NRG3: variants seen among roughly 807,000 people sequenced by gnomAD.
NRG3 encodes the protein pro-neuregulin-3, membrane-bound isoform.
In NRG3, 31 loss-of-function variants were observed where a neutral mutation model predicts 66.9. The ratio of observed to expected loss-of-function variants is 0.46; its 90% CI spans 0.35 to 0.63. The LOEUF is 0.63. Ranked by LOEUF, NRG3 falls within the 20% of genes least tolerant of loss-of-function variation. NRG3 has a pLI of 0.00. For missense variants in NRG3, 910 were observed against 878.9 expected, an observed-to-expected ratio of 1.04 and a Z score of -0.45; for synonymous variants, 393 against 359.4, an observed-to-expected ratio of 1.09 and a Z score of -1.06.
At chr10:82,838,730 A>G (rs1350494950) in intron 3 of NRG3, among the ~76,000 whole-genome samples, 1 of 152,082 alleles carries the variant, frequency 6.6e-6, no homozygotes, top group African/African-American at 2.4e-5. Flanking sequence ...ATATACATAT[A>G]CACACACACA....
chr10:81,955,697 T>C (rs914175111), intron 1 of NRG3, among the ~76,000 whole-genome samples: 1 of 152,176 alleles, frequency 6.6e-6, no homozygotes, highest in Admixed American at 6.5e-5. Flanking sequence ...AGGAATTGAG[T>C]GATCCTGAGT....
intron 1 of NRG3, among the ~76,000 whole-genome samples, chr10:82,199,914 G>A (rs1425886727): frequency 6.7e-6 from 1 of 149,952 alleles, no homozygotes; most frequent in Non-Finnish European, 1.5e-5. Context: ...GTGTGTGTGT[G>A]TGTGTTGCCA....
At chr10:82,613,007 G>A (rs957088675) in intron 2 of NRG3, among the ~76,000 whole-genome samples, 24 of 152,090 alleles carry the variant, frequency 1.6e-4, no homozygotes, top group African/African-American at 5.8e-4. Flanking sequence ...TTTTTATATA[G>A]CTACTTAGAT....
At chr10:82,603,206 C>T (rs1364023909) in intron 2 of NRG3, among the ~76,000 whole-genome samples, 4 of 152,144 alleles carry the variant, frequency 2.6e-5, no homozygotes, top group Admixed American at 1.3e-4. Flanking sequence ...AATTAGCCTA[C>T]TTTTGGAGGC....
intron 1 of NRG3, among the ~76,000 whole-genome samples, chr10:82,137,082 T>C (rs1425244108): frequency 6.6e-6 from 1 of 152,192 alleles, no homozygotes; most frequent in Non-Finnish European, 1.5e-5. Context: ...GTTGTTCAAT[T>C]TGATGTTCGT....
At chr10:82,017,224 G>A (rs181848233) in intron 1 of NRG3, among the ~76,000 whole-genome samples, 263 of 152,176 alleles carry the variant, frequency 1.7e-3, no homozygotes, top group African/African-American at 6.0e-3. Context: ...TGAGAATGAC[G>A]GTTTCCAGCT....
At chr10:81,980,986 C>T (rs1440127256) in intron 1 of NRG3, among the ~76,000 whole-genome samples, 1 of 119,752 alleles carries the variant, frequency 8.4e-6, no homozygotes, top group Non-Finnish European at 1.8e-5. Context: ...AATACAGTCA[C>T]ATTCTGAGTT....
chr10:82,855,320 TTTTCTTTCA>T (rs1314997568), intron 3 of NRG3, among the ~76,000 whole-genome samples: 1 of 152,120 alleles, frequency 6.6e-6, no homozygotes. Context: ...TCCTTCTTTC[TTTTCTTTCA>T]TTTCTTTCTC....
At chr10:82,809,908 T>C (rs2061424574) in intron 3 of NRG3, among the ~76,000 whole-genome samples, 1 of 152,002 alleles carries the variant, frequency 6.6e-6, no homozygotes, top group South Asian at 2.1e-4. Context: ...TACTGGGTTG[T>C]AAAGGCATTT....
At chr10:81,977,323 ATTG>A (rs2060161656) in intron 1 of NRG3, among the ~76,000 whole-genome samples, 1 of 152,016 alleles carries the variant, frequency 6.6e-6, no homozygotes, top group Non-Finnish European at 1.5e-5. Flanking sequence ...TGATAATCTT[ATTG>A]TTCTTTCTCT....
intron 1 of NRG3, among the ~76,000 whole-genome samples, chr10:82,328,993 T>C (rs940391785): frequency 2.0e-5 from 3 of 152,222 alleles, no homozygotes; most frequent in African/African-American, 7.2e-5. Context: ...TCATGCCAAC[T>C]ATATATTTCA....
At chr10:82,816,553 C>A (rs1343633043) in intron 3 of NRG3, among the ~76,000 whole-genome samples, 1 of 152,134 alleles carries the variant, frequency 6.6e-6, no homozygotes, top group African/African-American at 2.4e-5. Context: ...ATGGGTGGGC[C>A]CAGAAAAAGC....
chr10:82,917,988 ATATATG>A (rs772588513), intron 4 of NRG3, among the ~76,000 whole-genome samples: 31 of 128,008 alleles, frequency 2.4e-4, no homozygotes, highest in East Asian at 3.0e-4. Context: ...ATATATATAT[ATATATG>A]TATGTATGTA....
At chr10:82,215,366 C>G (rs970720934) in intron 1 of NRG3, among the ~76,000 whole-genome samples, 4 of 152,092 alleles carry the variant, frequency 2.6e-5, no homozygotes, top group Admixed American at 2.0e-4. Context: ...CCACTTTTTG[C>G]TTTCTTTCCC....
chr10:81,875,528 A>G lies in NRG3; in HGVS notation c.188A>G (p.Gln63Arg). 2 of 1,612,078 alleles carry G rather than the reference A, an allele frequency of 1.2e-6. No homozygotes were observed. The highest frequency in any genetic ancestry group is 1.7e-6 in the Non-Finnish European group (2 of 1,179,596). ...AGCGACTGCATCGTGTGGAACCGGC[A>G]GCAGACGTGGCTGTGCGTGGTACCT... The part of the protein sequence containing the change: ...RCSDCIVWNR[Q>R]QTWLCVVPLF... Residue 63 changes from glutamine (Q) to arginine (R), a missense_variant, in exon 1 of 9, where the codon CAG becomes CGG. By Grantham distance (43) the Gln-to-Arg change is conservative. Transcript: ENST00000372141. The surrounding 1 kb of genome is among the most constrained non-coding windows in gnomAD (Gnocchi z 5.3).
intron 1 of NRG3, among the ~76,000 whole-genome samples, chr10:82,100,715 A>G (rs781537980): frequency 6.6e-6 from 1 of 152,068 alleles, no homozygotes; most frequent in Non-Finnish European, 1.5e-5. Context: ...GATAAACTAT[A>G]CTTGGTAATA....
chr10:82,816,989 A>G (rs139838033), intron 3 of NRG3, among the ~76,000 whole-genome samples: 11 of 152,358 alleles, frequency 7.2e-5, no homozygotes, highest in African/African-American at 2.6e-4. Context: ...GAAAGTAACA[A>G]AGTATTTTCC....
At chr10:82,475,540 T>A (rs1320689916) in intron 2 of NRG3, among the ~76,000 whole-genome samples, 1 of 152,130 alleles carries the variant, frequency 6.6e-6, no homozygotes, top group Non-Finnish European at 1.5e-5. Context: ...AGTAAACTTT[T>A]ACATATATGG....
At chr10:82,285,166 G>T (rs2079346375) in intron 1 of NRG3, among the ~76,000 whole-genome samples, 1 of 152,176 alleles carries the variant, frequency 6.6e-6, no homozygotes, top group African/African-American at 2.4e-5. Flanking sequence ...TGCCTTCTGA[G>T]ATGTTTCAGG....
Sources: allele counts gnomAD v4.1 joint callset (sites outside exome capture counted in the v4.1 genomes callset), GRCh38; gene constraint gnomAD v4.1.1; non-coding constraint Gnocchi (gnomAD v3.1); transcripts MANE v1.5; gene names NCBI Gene and HGNC (gene_info 2026-07-23, HGNC 2026-07-21).